The following FCRL2 variants were observed in gnomAD, a reference collection of about 807,000 sequenced individuals.
FCRL2 encodes Fc receptor like 2, also known as Fc receptor-like protein 2.
Under a neutral mutation model 59.8 loss-of-function variants are expected in FCRL2, and 48 were observed. The ratio of observed to expected loss-of-function variants is 0.80; its 90% confidence interval spans 0.64 to 1.02. The LOEUF is 1.02. Ranked by LOEUF, FCRL2 falls within the 50% of genes least tolerant of loss-of-function variation. The pLI is 0.00. For missense variants in FCRL2, 658 were observed against 597.3 expected (o/e 1.10, Z -1.06); for synonymous variants, 251 against 229.5 (o/e 1.09, Z -0.85).
chr1:157,746,918 T>C lies in FCRL2; in HGVS notation c.1460-19A>G, dbSNP rs1158428346. On this transcript the variant is annotated intron_variant, in intron 10 of 11. Transcript: ENST00000361516. ...ATGTTTGCTGTTAAGGAAAAAGTAA[T>C]AGTTCTGAGCTCTTGCATTCTTAAT... 2 of 1,611,524 alleles carry C rather than the reference T, an allele frequency of 1.2e-6. No individual in the cohort carries two copies. Among genetic ancestry groups the C allele is most frequent in the Admixed American group, 1.7e-5 (1 of 60,004 alleles).
chr1:157,769,649 T>G lies in FCRL2; in HGVS notation c.595+217A>C, dbSNP rs1373621694. ...TCACCGTGTTAGCCAGGATGGTCTC[T>G]ATCTCCTGACCTCATGATCTGCCCG... On this transcript the variant is annotated intron_variant, in intron 4 of 11. Coordinates refer to ENST00000361516, the MANE Select transcript of FCRL2 (RefSeq NM_030764.4). The G allele has an allele frequency of 3.2e-5, 15 of 472,652 alleles. No individual in the cohort carries two copies. The Admixed American group carries it at 4.3e-4, about 14-fold the overall frequency. 29.3% of individuals were successfully genotyped at this position (472,652 alleles called of 1,614,324 possible).
chr1:157,766,881 A>G lies in FCRL2; in HGVS notation c.1253T>C (p.Leu418Ser). The change falls in exon 7 of 12, where the codon TTG becomes TCG. Residue 418 changes from leucine to serine, a missense_variant. Transcript: ENST00000361516. The stretch of plus-strand genomic sequence containing the variant: ...TGATATCTTGTGGAACAAGGCATAC[A>G]ACAGCAAAGCAACACCAGTGAAACC... Reference protein sequence around the residue: ...VLGFTGVALLLYALFHKISGE... With the variant: ...VLGFTGVALLSYALFHKISGE... The G allele has an allele frequency of 6.2e-7, 1 of 1,614,240 alleles. No individual in the cohort carries two copies. The highest frequency in any genetic ancestry group is 8.5e-7 in the Non-Finnish European group (1 of 1,180,038).
At position 157,774,372 on chromosome 1, in the gene FCRL2, A is replaced by C. The variant is rs1650251532; in HGVS notation, c.52+1403T>G. 8.8e-6 allele frequency: 4 copies of C among 453,216 alleles called. No homozygotes were observed. In the Admixed American group the frequency reaches 9.6e-5, roughly 11 times the overall value. 28.1% of individuals were successfully genotyped at this position (453,216 alleles called of 1,614,324 possible). ...AGCCTACATAGCAGGTATATAGCAA[A>C]GCCATGATTTCAATTTGGTCTTTCT... On this transcript the variant is annotated intron_variant, in intron 2 of 11. Coordinates refer to ENST00000361516, the MANE Select transcript of FCRL2 (RefSeq NM_030764.4).
In FCRL2 at chr1:157,770,515, A is replaced by G. The variant is rs1649921482; in HGVS notation, c.204T>C (p.Leu68=). Residue 68 remains leucine, a synonymous_variant, in exon 3 of 12, where the codon CTT becomes CTC. Coordinates refer to ENST00000361516, the MANE Select transcript of FCRL2 (RefSeq NM_030764.4). ...TGTCACTTAAAACTGCACTTTGGAT[A>G]AGGAAATCTGAGAATTTTTTGAAAA... The part of the protein sequence containing the change: ...LSVFKKFSDF[L]IQSAVLSDSG... The G allele has an allele frequency of 1.2e-6, 2 of 1,614,126 alleles. No individual in the cohort carries two copies. The highest frequency in any genetic ancestry group is 1.7e-5 in the Admixed American group (1 of 60,010).
rs1647940080 is a variant in FCRL2, at chr1:157,748,595, C to A, written c.1417G>T (p.Val473Phe). The change falls in exon 10 of 12, where the codon GTT (valine) becomes TTT (phenylalanine). Residue 473 changes from valine (V) to phenylalanine (F), a missense_variant. Val to Phe is a conservative substitution (Grantham distance 50). Coordinates refer to ENST00000361516, the MANE Select transcript of FCRL2 (RefSeq NM_030764.4). Reference protein sequence around the residue: ...VNVGSVDVDVVYSQVWSMQQP... With the variant: ...VNVGSVDVDVFYSQVWSMQQP... ...TGCATGCTCCAGACCTGAGAATAAA[C>A]CACATCCACATCTACAGAGCCCACT... 4 of 1,613,838 alleles carry A rather than the reference C, an allele frequency of 2.5e-6. No homozygotes were observed. Among genetic ancestry groups the A allele is most frequent in the Non-Finnish European group, 2.5e-6 (3 of 1,179,866 alleles).
At chr1:157,752,176 G>A (rs1446067561) in intron 7 of FCRL2, among the ~76,000 whole-genome samples, 1 of 152,188 alleles carries the variant, frequency 6.6e-6, no homozygotes, top group Non-Finnish European at 1.5e-5. Flanking sequence ...TGGTGTGGCT[G>A]TGTCCCCACC....
chr1:157,761,870 G>C (rs1284016519), intron 7 of FCRL2, among the ~76,000 whole-genome samples: 1 of 152,186 alleles, frequency 6.6e-6, no homozygotes, highest in Non-Finnish European at 1.5e-5. Context: ...GTAAAAGGTA[G>C]ATGTCTTCAA....
At chr1:157,754,042 G>GTTGAATAATAT (rs371177321) in intron 7 of FCRL2, among the ~76,000 whole-genome samples, 22,651 of 152,134 alleles carry the variant, frequency 0.15, 1,738 homozygotes, top group East Asian at 0.23. Context: ...TTAGATTCTA[G>GTTGAATAATAT]TTCAGTACCT....
At chr1:157,764,029 C>CAAAAAAAAAAAAAA (rs34230382) in intron 7 of FCRL2, among the ~76,000 whole-genome samples, 1 of 103,254 alleles carries the variant, frequency 9.7e-6, no homozygotes, top group African/African-American at 4.1e-5. Context: ...GACTTCATCT[C>CAAAAAAAAAAAAAA]AAAAAAAAAA....
intron 6 of FCRL2, 123 bp downstream of exon 6, chr1:157,767,108 G>A (rs1649554306): frequency 7.4e-7 from 1 of 1,350,676 alleles, no homozygotes; most frequent in Admixed American, 2.2e-5. Context: ...GGTTAGTGTG[G>A]GGAGAAGAGA....
At chr1:157,772,296 G>T (rs1432703215) in intron 2 of FCRL2, among the ~76,000 whole-genome samples, 5 of 152,126 alleles carry the variant, frequency 3.3e-5, no homozygotes, top group African/African-American at 1.2e-4. Flanking sequence ...CAGCCTCACT[G>T]GCTCTGGCTG....
In FCRL2 at chr1:157,770,548, C is replaced by G. The variant is rs1649925953; in HGVS notation, c.171G>C (p.Glu57Asp). ...CTGAGAATTTTTTGAAAACAGATAA[C>G]TCTTTGTTATCCTTATGGTAAGCCA... The part of the protein sequence containing the change: ...QKMAYHKDNK[E>D]LSVFKKFSDF... Residue 57 changes from glutamate to aspartate, a missense_variant, in exon 3 of 12, where the codon GAG becomes GAC. Coordinates refer to ENST00000361516, the MANE Select transcript of FCRL2 (RefSeq NM_030764.4). 6.2e-7 allele frequency: 1 copy of G among 1,614,216 alleles called. No individual in the cohort carries two copies. The highest frequency in any genetic ancestry group is 8.5e-7 in the Non-Finnish European group (1 of 1,180,026).
At chr1:157,752,695 T>C (rs1648284402) in intron 7 of FCRL2, among the ~76,000 whole-genome samples, 1 of 152,198 alleles carries the variant, frequency 6.6e-6, no homozygotes, top group South Asian at 2.1e-4. Context: ...CAAAAATTAA[T>C]CAATATCTCA....
At chr1:157,766,030 C>T (rs1443973597) in intron 7 of FCRL2, among the ~76,000 whole-genome samples, 1 of 152,124 alleles carries the variant, frequency 6.6e-6, no homozygotes, top group Admixed American at 6.5e-5. Flanking sequence ...CAAACTATGG[C>T]CAGCATCAAT....
At chr1:157,749,410 T>A (rs1648012143) in intron 8 of FCRL2, among the ~76,000 whole-genome samples, 1 of 152,148 alleles carries the variant, frequency 6.6e-6, no homozygotes, top group South Asian at 2.1e-4. Flanking sequence ...TATGAATTTA[T>A]ATATTAATTT....
At chr1:157,760,707 G>A (rs60705651) in intron 7 of FCRL2, among the ~76,000 whole-genome samples, 2 of 104,926 alleles carry the variant, frequency 1.9e-5, no homozygotes, top group African/African-American at 8.0e-5. Flanking sequence ...AGGAAAGAAA[G>A]AAAGAAAGAA....
chr1:157,761,601 C>A (rs1057509608), intron 7 of FCRL2, among the ~76,000 whole-genome samples: 12 of 152,016 alleles, frequency 7.9e-5, no homozygotes, highest in African/African-American at 2.9e-4. Flanking sequence ...AGAGCAAGAC[C>A]TTGTCTCCCC....
chr1:157,755,176 C>T (rs1257027887), intron 7 of FCRL2, among the ~76,000 whole-genome samples: 2 of 151,994 alleles, frequency 1.3e-5, no homozygotes, highest in Non-Finnish European at 2.9e-5. Context: ...CTCTTCATAC[C>T]TCAGACAAAG....
At chr1:157,753,855 G>T (rs1313111809) in intron 7 of FCRL2, among the ~76,000 whole-genome samples, 2 of 152,018 alleles carry the variant, frequency 1.3e-5, no homozygotes, top group African/African-American at 4.8e-5. Context: ...AACACTCAAG[G>T]AATTCTCAGA....
Sources: allele counts gnomAD v4.1 joint callset (sites outside exome capture counted in the v4.1 genomes callset), GRCh38; gene constraint gnomAD v4.1.1; transcripts MANE v1.5; gene names NCBI Gene and HGNC (gene_info 2026-07-23, HGNC 2026-07-21).